PTGDR2: variants seen among roughly 807,000 people sequenced by gnomAD.
PTGDR2 encodes prostaglandin D2 receptor 2.
For missense variants in PTGDR2, 544 were observed against 576.6 expected (o/e 0.94, Z 0.58); for synonymous variants, 276 against 278.4 (o/e 0.99, Z 0.09).
In PTGDR2 at chr11:60,852,402, C is replaced by G; in HGVS notation, c.*133G>C. 1 of 673,564 alleles carries G rather than the reference C, an allele frequency of 1.5e-6. No individual in the cohort carries two copies. Among genetic ancestry groups the G allele is most frequent in the Non-Finnish European group, 2.1e-6 (1 of 478,568 alleles). 41.7% of individuals were successfully genotyped at this position (673,564 alleles called of 1,614,324 possible). On this transcript the variant is annotated 3_prime_UTR_variant, in exon 2 of 2. Transcript: ENST00000332539. ...GAAAAAGATTCAGAGTCTCCCGGGG[C>G]GCTTTAAAATGCAGGTGCCTGGGTC...
Position 60,853,103 on chromosome 11 carries a change from GCCAGGGCCACCTGC to G in PTGDR2, c.606_619del (p.Gln203ArgfsTer219). 2 of 1,602,284 alleles carry G rather than the reference GCCAGGGCCACCTGC, an allele frequency of 1.2e-6. No homozygotes were observed. Among genetic ancestry groups the G allele is most frequent in the Non-Finnish European group, 1.7e-6 (2 of 1,178,114 alleles). On this transcript the variant is annotated frameshift_variant, in exon 2 of 2. Transcript: ENST00000332539. LOFTEE classifies it low-confidence loss of function (END_TRUNC). The stretch of plus-strand genomic sequence containing the variant: ...GAAGGCCAGCAGGAACTTGCTGACG[GCCAGGGCCACCTGC>G]CGCGAGTTGCACGTGGCATCGCGGT...
rs1318251339 is a variant in PTGDR2, at chr11:60,853,484, G to A, written c.239C>T (p.Ala80Val). 1.3e-6 allele frequency: 2 copies of A among 1,564,782 alleles called. No individual in the cohort carries two copies. Among genetic ancestry groups the A allele is most frequent in the East Asian group, 2.4e-5 (1 of 42,080 alleles). Reference sequence around the variant, plus strand: ...GGTGAAGAAGGGCAGGGAAGCAGAGGCCAACAGGTCGGACAGCGCCAGGTG... The same window carrying A: ...GGTGAAGAAGGGCAGGGAAGCAGAGACCAACAGGTCGGACAGCGCCAGGTG... ...VLHLALSDLL[A>V]SASLPFFTYF... The change falls in exon 2 of 2, where the codon GCC becomes GTC. Residue 80 changes from alanine to valine, a missense_variant. By Grantham distance (64) the Ala-to-Val change is moderately conservative. Coordinates refer to ENST00000332539, the MANE Select transcript of PTGDR2 (RefSeq NM_004778.3).
In PTGDR2 at chr11:60,853,492, G is replaced by C; in HGVS notation, c.231C>G (p.Asp77Glu). 2 of 1,562,620 alleles carry C rather than the reference G, an allele frequency of 1.3e-6. No homozygotes were observed. Among genetic ancestry groups the C allele is most frequent in the Non-Finnish European group, 1.7e-6 (2 of 1,153,004 alleles). Residue 77 changes from aspartate to glutamate, a missense_variant, in exon 2 of 2, where the codon GAC becomes GAG. Transcript: ENST00000332539. The stretch of plus-strand genomic sequence containing the variant: ...AGGGCAGGGAAGCAGAGGCCAACAG[G>C]TCGGACAGCGCCAGGTGCAGCACCC... ...TTWVLHLALS[D>E]LLASASLPFF...
chr11:60,852,232 C>A lies in PTGDR2; in HGVS notation c.*303G>T, dbSNP rs1855278360. 3 of 342,270 alleles carry A rather than the reference C, an allele frequency of 8.8e-6. No homozygotes were observed. The highest frequency in any genetic ancestry group is 7.4e-4 in the Middle Eastern group (1 of 1,360). 21.2% of individuals were successfully genotyped at this position (342,270 alleles called of 1,614,324 possible). A position where few individuals can be genotyped will look rare whatever the true frequency, so the allele number is the denominator to read the frequency against. On this transcript the variant is annotated 3_prime_UTR_variant, in exon 2 of 2. Transcript: ENST00000332539. The stretch of plus-strand genomic sequence containing the variant: ...AGGCCTCGCCTGTGAACCTGCCGCA[C>A]TGGCTTCTCGGCCTGGGAGCTTGTT...
chr11:60,852,311 C>CAA lies in PTGDR2; in HGVS notation c.*222_*223dup, dbSNP rs768776441. 3.4e-5 allele frequency: 14 copies of CAA among 408,160 alleles called. No homozygotes were observed. Among genetic ancestry groups the CAA allele is most frequent in the African/African-American group, 6.2e-5 (3 of 48,664 alleles). 25.3% of individuals were successfully genotyped at this position (408,160 alleles called of 1,614,324 possible). On this transcript the variant is annotated 3_prime_UTR_variant, in exon 2 of 2. Transcript: ENST00000332539. ...GCCTCCTGGATCAGACTGCACTTAACAAGACCCCTAGGTGATTCACAGGCA... is the reference window on the plus strand; with the variant it reads ...GCCTCCTGGATCAGACTGCACTTAACAAAAGACCCCTAGGTGATTCACAGGCA...
Position 60,853,102 on chromosome 11 carries a change from G to C in PTGDR2, c.621C>G (p.Ala207=), listed in dbSNP as rs141086539. ...ATCNSRQVAL[A]VSKFLLAFLV... is the part of the protein sequence containing the mutation. ...GGAAGGCCAGCAGGAACTTGCTGAC[G>C]GCCAGGGCCACCTGCCGCGAGTTGC... Residue 207 remains alanine, a synonymous_variant, in exon 2 of 2, where the codon GCC becomes GCG. Coordinates refer to ENST00000332539, the MANE Select transcript of PTGDR2 (RefSeq NM_004778.3). 397 of 1,602,454 alleles carry C rather than the reference G, an allele frequency of 2.5e-4. No homozygotes were observed. In the African/African-American group the frequency reaches 4.7e-3, roughly 19 times the overall value.
At chr11:60,855,109 A>G (rs925833326) in intron 1 of PTGDR2, among the ~76,000 whole-genome samples, 3 of 152,150 alleles carry the variant, frequency 2.0e-5, no homozygotes, top group African/African-American at 7.2e-5. Flanking sequence ...CTGCAGGTAG[A>G]TGGAAGAGGA....
rs906384422 is a variant in PTGDR2, at chr11:60,851,120, G to A, written c.*1415C>T. The A allele has an allele frequency of 1.3e-5, 2 of 152,414 alleles. No homozygotes were observed. The highest frequency in any genetic ancestry group is 2.9e-5 in the Non-Finnish European group (2 of 68,098). The allele number at this position is 152,414 out of a possible 1,614,324, so 9.4% of individuals were successfully genotyped here. A position where few individuals can be genotyped will look rare whatever the true frequency, so the allele number is the denominator to read the frequency against. ...GGGGGAAGTGCTATGAGTAAAGGGG[G>A]AAGGGATGGGAGGGAGCAGGGGCGA... On this transcript the variant is annotated 3_prime_UTR_variant, in exon 2 of 2. Coordinates refer to ENST00000332539, the MANE Select transcript of PTGDR2 (RefSeq NM_004778.3).
Position 60,851,656 on chromosome 11 carries a change from G to C in PTGDR2, c.*879C>G, listed in dbSNP as rs1855268708. On this transcript the variant is annotated 3_prime_UTR_variant, in exon 2 of 2. Transcript: ENST00000332539. ...GCCCATTCAACTTCTAACGACCGAA[G>C]ACTTTTAGTCATTTCCCCCATTGGA... The C allele has an allele frequency of 6.6e-6, 1 of 152,250 alleles. No individual in the cohort carries two copies. Among genetic ancestry groups the C allele is most frequent in the Non-Finnish European group, 1.5e-5 (1 of 68,042 alleles). The allele number at this position is 152,250 out of a possible 1,614,324, so 9.4% of individuals were successfully genotyped here.
chr11:60,853,115 T>C lies in PTGDR2; in HGVS notation c.608A>G (p.Gln203Arg). The C allele has an allele frequency of 6.2e-7, 1 of 1,605,010 alleles. No individual in the cohort carries two copies. Among genetic ancestry groups the C allele is most frequent in the Non-Finnish European group, 8.5e-7 (1 of 1,179,210 alleles). Residue 203 changes from glutamine to arginine, a missense_variant, in exon 2 of 2, where the codon CAG (glutamine) becomes CGG (arginine). By Grantham distance (43) the Gln-to-Arg change is conservative. Coordinates refer to ENST00000332539, the MANE Select transcript of PTGDR2 (RefSeq NM_004778.3). ...GAACTTGCTGACGGCCAGGGCCACCTGCCGCGAGTTGCACGTGGCATCGCG... is the reference window on the plus strand; with the variant it reads ...GAACTTGCTGACGGCCAGGGCCACCCGCCGCGAGTTGCACGTGGCATCGCG... ...PDRDATCNSR[Q>R]VALAVSKFLL...
rs1321054434 is a variant in PTGDR2, at chr11:60,852,461, T to C, written c.*74A>G. 1 of 1,196,094 alleles carries C rather than the reference T, an allele frequency of 8.4e-7. No individual in the cohort carries two copies. Among genetic ancestry groups the C allele is most frequent in the South Asian group, 4.1e-5 (1 of 24,606 alleles). 74.1% of individuals were successfully genotyped at this position (1,196,094 alleles called of 1,614,324 possible). On this transcript the variant is annotated 3_prime_UTR_variant, in exon 2 of 2. Coordinates refer to ENST00000332539, the MANE Select transcript of PTGDR2 (RefSeq NM_004778.3). ...CGGACTTTGATCACTGCGGCAGGAG[T>C]CCGGATATCGAATTGAACCGCGGCA...
Position 60,852,976 on chromosome 11 carries a change from C to A in PTGDR2, c.747G>T (p.Ala249=), listed in dbSNP as rs748378517. The A allele has an allele frequency of 7.2e-7, 1 of 1,391,342 alleles. No individual in the cohort carries two copies. 86.2% of individuals were successfully genotyped at this position (1,391,342 alleles called of 1,614,324 possible). Residue 249 remains alanine (A), a synonymous_variant, in exon 2 of 2, where the codon GCG becomes GCT. Coordinates refer to ENST00000332539, the MANE Select transcript of PTGDR2 (RefSeq NM_004778.3). ...RRPGRFVRLV[A]AVVAAFALCW... The stretch of plus-strand genomic sequence containing the variant: ...AGAGCGCGAAGGCGGCCACGACGGC[C>A]GCCACCAGGCGCACGAAGCGGCCTG...
In PTGDR2 at chr11:60,853,545, GGCA is replaced by G. The variant is rs1565098532; in HGVS notation, c.175_177del (p.Cys59del). 1 of 1,556,338 alleles carries G rather than the reference GGCA, an allele frequency of 6.4e-7. No individual in the cohort carries two copies. On this transcript the variant is annotated inframe_deletion, in exon 2 of 2. Transcript: ENST00000332539. ...GTGGTGACCACGGTCTGGCGCATGC[GGCA>G]GCCCACCACGAAGAGGATGACTCCA...
rs747181485 is a variant in PTGDR2, at chr11:60,852,696, G to A, written c.1027C>T (p.Arg343Cys). 7.3e-7 allele frequency: 1 copy of A among 1,374,318 alleles called. No homozygotes were observed. The highest frequency in any genetic ancestry group is 2.9e-5 in the Admixed American group (1 of 34,906). 85.1% of individuals were successfully genotyped at this position (1,374,318 alleles called of 1,614,324 possible). A position where few individuals can be genotyped will look rare whatever the true frequency, so the allele number is the denominator to read the frequency against. ...LGGAGSSRRR[R>C]TSSTARSASP... ...GCCGAGCGGGCGGTGGAGGAGGTGC[G>A]GCGGCGGCGGCTGCTTCCCGCGCCA... The change falls in exon 2 of 2, where the codon CGC becomes TGC. Residue 343 changes from arginine to cysteine, a missense_variant. Arg to Cys is a radical substitution (Grantham distance 180). Transcript: ENST00000332539.
At position 60,853,489 on chromosome 11, in the gene PTGDR2, C is replaced by A; in HGVS notation, c.234G>T (p.Leu78=). The A allele has an allele frequency of 1.3e-6, 2 of 1,563,092 alleles. No individual in the cohort carries two copies. The highest frequency in any genetic ancestry group is 1.7e-6 in the Non-Finnish European group (2 of 1,153,286). Residue 78 remains leucine, a synonymous_variant, in exon 2 of 2, where the codon CTG becomes CTT. Coordinates refer to ENST00000332539, the MANE Select transcript of PTGDR2 (RefSeq NM_004778.3). ...AGAAGGGCAGGGAAGCAGAGGCCAA[C>A]AGGTCGGACAGCGCCAGGTGCAGCA... ...TWVLHLALSD[L]LASASLPFFT...
In PTGDR2 at chr11:60,852,577, C is replaced by T; in HGVS notation, c.1146G>A (p.Gln382=). 2 of 1,290,824 alleles carry T rather than the reference C, an allele frequency of 1.5e-6. No homozygotes were observed. The highest frequency in any genetic ancestry group is 2.0e-6 in the Non-Finnish European group (2 of 1,019,900). 80.0% of individuals were successfully genotyped at this position (1,290,824 alleles called of 1,614,324 possible). A position where few individuals can be genotyped will look rare whatever the true frequency, so the allele number is the denominator to read the frequency against. Reference sequence around the variant, plus strand: ...TCAGCGCCCGGTTCAGGGGGCCCGTCTGCGGGGACGCTGCGCAGCTGCCCA... The same window carrying T: ...TCAGCGCCCGGTTCAGGGGGCCCGTTTGCGGGGACGCTGCGCAGCTGCCCA... ...WLLGSCAASP[Q]TGPLNRALSS... is the part of the protein sequence containing the mutation. Residue 382 remains glutamine (Q), a synonymous_variant, in exon 2 of 2, where the codon CAG becomes CAA. Transcript: ENST00000332539.
Position 60,852,703 on chromosome 11 carries a change from G to A in PTGDR2, c.1020C>T (p.Arg340=). 6.9e-7 allele frequency: 1 copy of A among 1,447,570 alleles called. No individual in the cohort carries two copies. Among genetic ancestry groups the A allele is most frequent in the Non-Finnish European group, 9.2e-7 (1 of 1,090,888 alleles). The allele number at this position is 1,447,570 out of a possible 1,614,324, so 89.7% of individuals were successfully genotyped here. The change falls in exon 2 of 2, where the codon CGC becomes CGT. Residue 340 remains arginine (R), a synonymous_variant. Transcript: ENST00000332539. The part of the protein sequence containing the change: ...DSELGGAGSS[R]RRRTSSTARS... ...GGGCGGTGGAGGAGGTGCGGCGGCG[G>A]CGGCTGCTTCCCGCGCCACCCAGCT...
Position 60,853,636 on chromosome 11 carries a change from G to A in PTGDR2, c.87C>T (p.Arg29=). ...GCAGCACGGCCGCGTGGTCGATGTA[G>A]CGGATGCTGGTGTTGCTGTGGCTCT... ...RLQSHSNTSI[R]YIDHAAVLLH... is the part of the protein sequence containing the mutation. The change falls in exon 2 of 2, where the codon CGC becomes CGT. Residue 29 remains arginine (R), a synonymous_variant. Coordinates refer to ENST00000332539, the MANE Select transcript of PTGDR2 (RefSeq NM_004778.3). 6.4e-7 allele frequency: 1 copy of A among 1,557,418 alleles called. No individual in the cohort carries two copies. The highest frequency in any genetic ancestry group is 1.2e-5 in the South Asian group (1 of 84,480).
rs1186135567 is a variant in PTGDR2, at chr11:60,852,829, C to T, written c.894G>A (p.Val298=). ...FVTSLAFFNS[V]ANPVLYVLTC... The stretch of plus-strand genomic sequence containing the variant: ...TGAGCACGTAGAGCACCGGGTTGGC[C>T]ACGCTGTTGAAGAAGGCCAGGCTGG... Residue 298 remains valine (V), a synonymous_variant, in exon 2 of 2, where the codon GTG becomes GTA. Coordinates refer to ENST00000332539, the MANE Select transcript of PTGDR2 (RefSeq NM_004778.3). The T allele has an allele frequency of 6.4e-7, 1 of 1,559,766 alleles. No individual in the cohort carries two copies.
Sources: allele counts gnomAD v4.1 joint callset (sites outside exome capture counted in the v4.1 genomes callset), GRCh38; gene constraint gnomAD v4.1.1; transcripts MANE v1.5; gene names NCBI Gene and HGNC (gene_info 2026-07-23, HGNC 2026-07-21).